REV3L: variants seen among roughly 807,000 people sequenced by gnomAD.
REV3L encodes the protein DNA polymerase zeta catalytic subunit.
A neutral mutation model predicts 299.4 loss-of-function variants in REV3L; 69 were observed. The ratio of observed to expected loss-of-function variants is 0.23; its 90% CI spans 0.19 to 0.28. The LOEUF (loss-of-function observed/expected upper bound fraction) is 0.28. REV3L is among the 10% of genes least tolerant of loss of function. The probability of loss-of-function intolerance (pLI) is 1.00; values close to 1 mark genes in which losing one functional copy is unlikely to be tolerated. For synonymous variants in REV3L, 1,238 were observed against 1,271.4 expected (o/e 0.97, Z 0.56); for missense variants, 3,128 against 3,693.8 (o/e 0.85, Z 3.97).
At chr6:111,370,783 C>T (rs1031659719) in intron 13 of REV3L, among the ~76,000 whole-genome samples, 1 of 152,020 alleles carries the variant, frequency 6.6e-6, no homozygotes, top group Non-Finnish European at 1.5e-5. Context: ...TCCCTTGTGC[C>T]CCCACACATA....
chr6:111,476,481 C>T (rs1323668473), intron 1 of REV3L, among the ~76,000 whole-genome samples: 1 of 152,108 alleles, frequency 6.6e-6, no homozygotes, highest in Non-Finnish European at 1.5e-5. Flanking sequence ...GACTGCGACC[C>T]ATCATGAGGT....
Position 111,422,646 on chromosome 6 carries a change from A to T in REV3L, c.140-6174T>A, listed in dbSNP as rs1473139665. 8.1e-4 allele frequency among the ~76,000 whole-genome samples: 20 copies of T among 24,596 alleles called. 3 individuals carry two copies. The South Asian group carries it at 0.011, about 14-fold the overall frequency. 16.1% of individuals were successfully genotyped at this position (24,596 alleles called of 152,430 possible). A position where few individuals can be genotyped will look rare whatever the true frequency, so the allele number is the denominator to read the frequency against. ...TATATATATACACATATATATATAT[A>T]TACATATATATATATACATATATAT... On this transcript the variant is annotated intron_variant, in intron 1 of 31. Transcript: ENST00000368802.
intron 26 of REV3L, 43 bp from the exon 27 acceptor site, chr6:111,315,424 A>G (rs200486724): frequency 3.3e-6 from 5 of 1,513,396 alleles, no homozygotes; most frequent in East Asian, 4.6e-5. Flanking sequence ...GGAAGTCATT[A>G]TAACAAAAAT....
chr6:111,380,263 T>C, intron 10 of REV3L, 44 bp from the exon 11 acceptor site: 1 of 1,441,616 alleles, frequency 6.9e-7, no homozygotes, highest in Non-Finnish European at 9.6e-7. Context: ...AGTTTTCTTT[T>C]TTTTTTTTGA....
intron 6 of REV3L, among the ~76,000 whole-genome samples, chr6:111,389,787 A>G (rs1047639265): frequency 1.0e-4 from 12 of 119,012 alleles, no homozygotes; most frequent in African/African-American, 3.7e-4. Flanking sequence ...ACCAGGCTGG[A>G]GTGCAGTGGT....
chr6:111,483,219 G>A, upstream of REV3L: 1 of 474,182 alleles, frequency 2.1e-6, no homozygotes, highest in Non-Finnish European at 3.7e-6. Context: ...ATGATGTCAC[G>A]GACGCAACCA....
In REV3L at chr6:111,373,047, A is replaced by G. The variant is rs1412264720; in HGVS notation, c.5308T>C (p.Cys1770Arg). Residue 1770 changes from cysteine to arginine, a missense_variant, in exon 13 of 32, where the codon TGT (cysteine) becomes CGT (arginine). Cys to Arg is a radical substitution (Grantham distance 180). Transcript: ENST00000368802. ...DSFCVQQAED[C>R]LSEKSRLNRS... ...TTCAATCTAGATTTTTCACTTAGAC[A>G]GTCTTCTGCCTGCTGAACACAGAAA... 3 of 1,614,186 alleles carry G rather than the reference A, an allele frequency of 1.9e-6. No individual in the cohort carries two copies. Among genetic ancestry groups the G allele is most frequent in the South Asian group, 2.2e-5 (2 of 91,076 alleles).
chr6:111,300,049 T>G lies in REV3L; in HGVS notation c.9360A>C (p.Ala3120=). The G allele has an allele frequency of 6.2e-7, 1 of 1,613,474 alleles. No individual in the cohort carries two copies. The highest frequency in any genetic ancestry group is 8.5e-7 in the Non-Finnish European group (1 of 1,179,668). Reference sequence around the variant, plus strand: ...GGTCTAATAACTGCCGGAGATATGGTGCCTTGGACAATTCTCTATTTACTC... The same window carrying G: ...GGTCTAATAACTGCCGGAGATATGGGGCCTTGGACAATTCTCTATTTACTC... ...LSRVNRELSK[A]PYLRQLLDQF The change falls in exon 32 of 32, where the codon GCA becomes GCC. Residue 3120 remains alanine (A), a synonymous_variant. Transcript: ENST00000368802.
intron 20 of REV3L, 144 bp downstream of exon 20, chr6:111,349,074 T>C (rs1777322414): frequency 2.0e-6 from 1 of 511,620 alleles, no homozygotes; most frequent in Admixed American, 3.3e-5. Flanking sequence ...TTTTAGAAAG[T>C]ACTATTTTAA....
rs139786216 is a variant in REV3L at position 111,479,990 on chromosome 6, G to A, written c.139+2760C>T. ...GAAAAATGCTTTTCAGGCAATAATA[G>A]AAAAACTAAACTAGTAAAAGGGTAT... On this transcript the variant is annotated intron_variant, in intron 1 of 31. Coordinates refer to ENST00000368802, the MANE Select transcript of REV3L (RefSeq NM_001372078.1). Among the ~76,000 whole-genome samples the A allele has an allele frequency of 6.2e-3, 950 of 152,230 alleles. 4 individuals carry two copies. The highest frequency in any genetic ancestry group is 9.1e-3 in the Non-Finnish European group (620 of 68,000).
chr6:111,447,952 CCACA>C (rs1159835187), intron 1 of REV3L, among the ~76,000 whole-genome samples: 1 of 152,062 alleles, frequency 6.6e-6, no homozygotes, highest in African/African-American at 2.4e-5. Context: ...GGTTATTTCC[CCACA>C]CAAAATCCTT....
Position 111,343,981 on chromosome 6 carries a change from G to A in REV3L, c.7482C>T (p.Pro2494=). 1.2e-6 allele frequency: 2 copies of A among 1,613,396 alleles called. No individual in the cohort carries two copies. The highest frequency in any genetic ancestry group is 1.7e-6 in the Non-Finnish European group (2 of 1,179,706). ...CTGACAAGACTCGAAAGGTAAAGAG[G>A]GGAAAACGCTGATGAAGAACATGAA... The part of the protein sequence containing the change: ...VSFHVLHQRF[P]LFTFRVLSDW... Residue 2494 remains proline, a synonymous_variant, in exon 21 of 32, where the codon CCC becomes CCT. Transcript: ENST00000368802.
chr6:111,314,984 G>A (rs1366924371), intron 27 of REV3L, among the ~76,000 whole-genome samples: 1 of 151,630 alleles, frequency 6.6e-6, no homozygotes, highest in Non-Finnish European at 1.5e-5. Flanking sequence ...TGGAACAGCT[G>A]GGACTACAGG....
chr6:111,335,188 T>C (rs1038599254), intron 22 of REV3L, among the ~76,000 whole-genome samples: 11 of 152,174 alleles, frequency 7.2e-5, no homozygotes, highest in Admixed American at 5.2e-4. Flanking sequence ...GTACTTTCTT[T>C]GTTGCTTCTC....
intron 9 of REV3L, among the ~76,000 whole-genome samples, chr6:111,384,630 C>T (rs1000219846): frequency 3.3e-5 from 5 of 152,114 alleles, no homozygotes; most frequent in African/African-American, 1.2e-4. Context: ...AGGGAACTCT[C>T]GTACACTGTT....
chr6:111,466,637 G>C (rs967856296), intron 1 of REV3L, among the ~76,000 whole-genome samples: 2 of 152,178 alleles, frequency 1.3e-5, no homozygotes, highest in Non-Finnish European at 2.9e-5. Flanking sequence ...AGGAGTTCAA[G>C]ACCAGCCTGG....
At chr6:111,347,492 A>G (rs1182301501) in intron 20 of REV3L, among the ~76,000 whole-genome samples, 1 of 152,052 alleles carries the variant, frequency 6.6e-6, no homozygotes, top group African/African-American at 2.4e-5. Context: ...TAGAAAGTCA[A>G]ATGTTTTATA....
chr6:111,425,356 G>A (rs1331259077), intron 1 of REV3L, among the ~76,000 whole-genome samples: 1 of 152,196 alleles, frequency 6.6e-6, no homozygotes, highest in East Asian at 1.9e-4. Context: ...CTCCTCGGGA[G>A]GCTGAGGCAG....
At chr6:111,356,980 T>G in intron 18 of REV3L, 34 bp downstream of exon 18, 2 of 1,218,822 alleles carry the variant, frequency 1.6e-6, no homozygotes, top group Non-Finnish European at 2.3e-6. Context: ...ACTCTCTGAA[T>G]AAAACTGGAA....
Sources: allele counts gnomAD v4.1 joint callset (sites outside exome capture counted in the v4.1 genomes callset), GRCh38; gene constraint gnomAD v4.1.1; transcripts MANE v1.5; gene names NCBI Gene and HGNC (gene_info 2026-07-23, HGNC 2026-07-21).